The following USH2A variants were observed in gnomAD, a reference collection of about 807,000 sequenced individuals.
USH2A encodes Usher syndrome 2A (autosomal recessive, mild).
USH2A carries 443 observed loss-of-function variants against 538.9 expected under a neutral mutation model. The ratio of observed to expected loss-of-function variants is 0.82; its 90% CI spans 0.76 to 0.89. The LOEUF is 0.89. Among genes scored for constraint, USH2A ranks in the 40% least tolerant of loss-of-function variants. USH2A has a pLI of 0.00. For synonymous variants in USH2A, 2,413 were observed against 2,273.5 expected, an observed-to-expected ratio of 1.06 and a Z score of -1.75; for missense variants, 6,633 against 6,324.8, an observed-to-expected ratio of 1.05 and a Z score of -1.65.
intron 3 of USH2A, among the ~76,000 whole-genome samples, chr1:216,406,982 C>G (rs904029529): frequency 3.3e-5 from 5 of 152,170 alleles, no homozygotes; most frequent in African/African-American, 1.2e-4. Flanking sequence ...GGCTGACTCT[C>G]CTTCTCAGGT....
intron 21 of USH2A, among the ~76,000 whole-genome samples, chr1:216,106,064 A>G (rs1030796004): frequency 1.3e-5 from 2 of 150,658 alleles, no homozygotes; most frequent in Admixed American, 1.3e-4. Context: ...TGACTTTTAT[A>G]TTATCGTATT....
chr1:215,678,511 C>T (rs1658109833), intron 62 of USH2A, among the ~76,000 whole-genome samples: 1 of 152,208 alleles, frequency 6.6e-6, no homozygotes, highest in Non-Finnish European at 1.5e-5. Context: ...TCTTGTCATT[C>T]AGGACTCAGC....
At chr1:216,056,034 T>C (rs866911144) in intron 30 of USH2A, among the ~76,000 whole-genome samples, 18 of 152,202 alleles carry the variant, frequency 1.2e-4, no homozygotes, top group African/African-American at 3.4e-4. Context: ...CTAATCCCAG[T>C]CTTAGAGGAC....
chr1:216,261,794 G>A (rs962723896), intron 11 of USH2A, among the ~76,000 whole-genome samples: 1 of 152,006 alleles, frequency 6.6e-6, no homozygotes, highest in Admixed American at 6.6e-5. Flanking sequence ...AACAGCCCAC[G>A]GCTTCACCCA....
intron 21 of USH2A, among the ~76,000 whole-genome samples, chr1:216,141,341 C>CT (rs2033598811): frequency 6.6e-6 from 1 of 152,188 alleles, no homozygotes; most frequent in Admixed American, 6.5e-5. Context: ...CTGCCAGGTG[C>CT]TGTGGGCTCC....
intron 21 of USH2A, among the ~76,000 whole-genome samples, chr1:216,165,415 T>G (rs530228021): frequency 5.9e-4 from 90 of 152,280 alleles, no homozygotes; most frequent in Non-Finnish European, 8.2e-4. Context: ...TAACAACTGG[T>G]GTACAAGTAA....
intron 47 of USH2A, among the ~76,000 whole-genome samples, chr1:215,832,067 C>T (rs1663335040): frequency 6.6e-6 from 1 of 151,868 alleles, no homozygotes; most frequent in African/African-American, 2.4e-5. Context: ...CTATTTTCTG[C>T]ACCCACAAGA....
chr1:215,637,020 TA>T (rs1427957079), intron 69 of USH2A, among the ~76,000 whole-genome samples: 3 of 152,028 alleles, frequency 2.0e-5, no homozygotes, highest in Admixed American at 2.0e-4. Flanking sequence ...CTTTTTGAAG[TA>T]CCCCTTCACC....
At chr1:216,186,703 C>A (rs1192583537) in intron 20 of USH2A, among the ~76,000 whole-genome samples, 2 of 151,862 alleles carry the variant, frequency 1.3e-5, no homozygotes, top group Non-Finnish European at 2.9e-5. Context: ...TTATAATTGG[C>A]ATGGATGTGT....
chr1:216,186,328 C>T (rs534079862), intron 20 of USH2A, among the ~76,000 whole-genome samples: 65 of 151,798 alleles, frequency 4.3e-4, no homozygotes, highest in African/African-American at 1.6e-3. Flanking sequence ...TAGGGTAATC[C>T]CCAGAGAGTC....
At position 215,674,359 on chromosome 1, in the gene USH2A, T is replaced by C; in HGVS notation, c.13552A>G (p.Ile4518Val). Residue 4518 changes from isoleucine to valine, a missense_variant, in exon 63 of 72, where the codon ATT (isoleucine) becomes GTT (valine). Ile to Val is a conservative substitution (Grantham distance 29). Transcript: ENST00000307340. ...TVTASNSQGG[I>V]LSPLVKDRTS... ...CGATCTTTGACAAGAGGACTCAAAA[T>C]ACCCCCTTGGCTGTTGCTGGCAGTT... 6.2e-7 allele frequency: 1 copy of C among 1,613,962 alleles called. No homozygotes were observed. Among genetic ancestry groups the C allele is most frequent in the South Asian group, 1.1e-5 (1 of 91,074 alleles).
At chr1:215,968,387 A>T (rs1558186969) in intron 36 of USH2A, among the ~76,000 whole-genome samples, 1 of 151,970 alleles carries the variant, frequency 6.6e-6, no homozygotes, top group Non-Finnish European at 1.5e-5. Context: ...TTTTTTCCAG[A>T]TAGGTACAGG....
chr1:216,272,683 A>G lies in USH2A; in HGVS notation c.1971+16597T>C, dbSNP rs1354533839. 2.0e-5 allele frequency among the ~76,000 whole-genome samples: 3 copies of G among 152,076 alleles called. No homozygotes were observed. In the East Asian group the frequency reaches 5.8e-4, roughly 29 times the overall value. Reference sequence around the variant, plus strand: ...TCATAAGAGACTTAAACTCCCAGAAAAATGCTGGTGCTGGGGTGGGCAGAG... The same window carrying G: ...TCATAAGAGACTTAAACTCCCAGAAGAATGCTGGTGCTGGGGTGGGCAGAG... On this transcript the variant is annotated intron_variant, in intron 11 of 71. Coordinates refer to ENST00000307340, the MANE Select transcript of USH2A (RefSeq NM_206933.4).
intron 41 of USH2A, among the ~76,000 whole-genome samples, chr1:215,881,374 A>AGG (rs1428622026): frequency 6.6e-6 from 1 of 152,166 alleles, no homozygotes; most frequent in Non-Finnish European, 1.5e-5. Flanking sequence ...TCCTGACCTC[A>AGG]GGTGATCCAC....
In USH2A at chr1:215,965,454, G is replaced by A; in HGVS notation, c.6983C>T (p.Pro2328Leu). The part of the protein sequence containing the change: ...PLVENRTLEA[P>L]PEGTVNVFVK... ...AAACACATTTACTGTTCCTTCAGGA[G>A]GAGCTTCTAGAGTTCGATTTTCCAC... Residue 2328 changes from proline (P) to leucine (L), a missense_variant, in exon 37 of 72, where the codon CCT becomes CTT. Pro to Leu is a moderately conservative substitution (Grantham distance 98). Coordinates refer to ENST00000307340, the MANE Select transcript of USH2A (RefSeq NM_206933.4). The A allele has an allele frequency of 6.2e-7, 1 of 1,613,650 alleles. No individual in the cohort carries two copies. The highest frequency in any genetic ancestry group is 1.1e-5 in the South Asian group (1 of 91,042).
chr1:216,365,166 A>G (rs2102708830), intron 3 of USH2A, 81 bp from the exon 4 acceptor site: 1 of 1,487,544 alleles, frequency 6.7e-7, no homozygotes, highest in Middle Eastern at 1.8e-4. Flanking sequence ...GTTTTTATTA[A>G]GTAACTTTCT....
intron 11 of USH2A, among the ~76,000 whole-genome samples, chr1:216,288,132 G>A (rs2036921979): frequency 6.6e-6 from 1 of 151,546 alleles, no homozygotes; most frequent in Non-Finnish European, 1.5e-5. Context: ...ATATTTGAAT[G>A]ATAAGCAAAA....
intron 44 of USH2A, among the ~76,000 whole-genome samples, chr1:215,856,230 AC>A (rs1664162373): frequency 6.6e-6 from 1 of 152,228 alleles, no homozygotes; most frequent in Non-Finnish European, 1.5e-5. Flanking sequence ...AAAAGAAATA[AC>A]CAGCAGAGTA....
At chr1:216,350,344 C>T (rs2038258695) in intron 4 of USH2A, among the ~76,000 whole-genome samples, 1 of 152,126 alleles carries the variant, frequency 6.6e-6, no homozygotes, top group Non-Finnish European at 1.5e-5. Flanking sequence ...CCCTTCCCAA[C>T]AGTCTCCCAA....
Sources: gnomAD v4.1 joint callset for allele counts (sites outside exome capture counted in the v4.1 genomes callset) on GRCh38, gnomAD v4.1.1 for gene constraint, MANE v1.5 for transcripts, NCBI Gene and HGNC (gene_info 2026-07-23, HGNC 2026-07-21) for gene names.